The following CRLF2 variants were observed in gnomAD, a reference collection of about 807,000 sequenced individuals.
The protein encoded by CRLF2 is cytokine receptor like factor 2.
In CRLF2, 41 loss-of-function variants were observed where a neutral mutation model predicts 38.7. That is an observed-to-expected ratio of 1.06 (90% CI 0.83 to 1.37). CRLF2 has a LOEUF of 1.37. CRLF2 is among the 40% of genes most tolerant of loss of function. The pLI is 0.00. For synonymous variants in CRLF2, 140 were observed against 128.8 expected (o/e 1.09, Z -0.59); for missense variants, 377 against 322.2 (o/e 1.17, Z -1.30).
Position 1,198,736 on chromosome X carries a change from T to G in CRLF2, c.484-12A>C. ...TTTTCCTGTTTGGACTGGAGAAACATACACACACACACACACACACACACA... is the reference window on the plus strand; with the variant it reads ...TTTTCCTGTTTGGACTGGAGAAACAGACACACACACACACACACACACACA... On this transcript the variant is annotated splice_polypyrimidine_tract_variant and intron_variant, in intron 4 of 7. Coordinates refer to ENST00000400841, the MANE Select transcript of CRLF2 (RefSeq NM_022148.4). 7 of 826,960 alleles carry G rather than the reference T, an allele frequency of 8.5e-6. No individual in the cohort carries two copies. The highest frequency in any genetic ancestry group is 1.3e-5 in the Non-Finnish European group (7 of 534,254). 51.2% of individuals were successfully genotyped at this position (826,960 alleles called of 1,614,324 possible). A position where few individuals can be genotyped will look rare whatever the true frequency, so the allele number is the denominator to read the frequency against.
chrX:1,208,508 G>A (rs35313811), intron 2 of CRLF2, among the ~76,000 whole-genome samples: 48,402 of 151,820 alleles, frequency 0.32, 8,041 homozygotes, highest in Middle Eastern at 0.45. Context: ...GCAGTGAGCC[G>A]AGATTGCGCC....
chrX:1,196,003 T>C, intron 6 of CRLF2, among the ~76,000 whole-genome samples: 1 of 142,376 alleles, frequency 7.0e-6, no homozygotes, highest in Non-Finnish European at 1.5e-5. Context: ...TTTATATATA[T>C]AATTATATAT....
At chrX:1,191,304 T>TCTTTCTTTCTTTCTTC (rs2086370285) in intron 7 of CRLF2, 144 bp from the exon 8 acceptor site, 1 of 350,330 alleles carries the variant, frequency 2.9e-6, no homozygotes, top group African/African-American at 3.0e-5. Context: ...TCTCTTTCTT[T>TCTTTCTTTCTTTCTTC]CTTTCTTTCT....
rs140859855 is a variant in CRLF2 at position 1,212,602 on chromosome X, G to C, written c.33C>G (p.Ala11=). The change falls in exon 1 of 8, where the codon GCC becomes GCG. Residue 11 remains alanine, a synonymous_variant. Coordinates refer to ENST00000400841, the MANE Select transcript of CRLF2 (RefSeq NM_022148.4). ...CCATCCAGCCTCCCAGCAGAAAGAC[G>C]GCAGCTCCCCACAGCAGAACCAGCC... MGRLVLLWGA[A]VFLLGGWMAL... 398,931 of 1,609,900 alleles carry C rather than the reference G, an allele frequency of 0.25. 51,945 individuals carry two copies. The highest frequency in any genetic ancestry group is 0.3 in the Middle Eastern group (1,792 of 6,046).
chrX:1,192,328 A>G (rs1398402148), intron 7 of CRLF2, among the ~76,000 whole-genome samples: 4 of 151,840 alleles, frequency 2.6e-5, no homozygotes, highest in African/African-American at 9.7e-5. Flanking sequence ...TAAAATCAAC[A>G]CATAGGACAC....
At chrX:1,202,256 A>G in intron 4 of CRLF2, 146 bp downstream of exon 4, 1 of 906,340 alleles carries the variant, frequency 1.1e-6, no homozygotes, top group Non-Finnish European at 1.7e-6. Flanking sequence ...AAGCTGGACT[A>G]GAGCTCTCTC....
Position 1,206,574 on chromosome X carries a change from G to T in CRLF2, c.208C>A (p.Gln70Lys). Residue 70 changes from glutamine (Q) to lysine (K), a missense_variant, in exon 3 of 8, where the codon CAG becomes AAG. Coordinates refer to ENST00000400841, the MANE Select transcript of CRLF2 (RefSeq NM_022148.4). ...TCCTGGAGAAGGTAGTTGGTGCACT[G>T]GTCATAGGCCTCATCACCGTTGAAT... is the stretch of plus-strand genomic sequence containing the variant. ...YRFNGDEAYDQCTNYLLQEGH... is the reference protein window; with the variant it reads ...YRFNGDEAYDKCTNYLLQEGH... The T allele has an allele frequency of 6.2e-7, 1 of 1,613,592 alleles. No individual in the cohort carries two copies. The highest frequency in any genetic ancestry group is 8.5e-7 in the Non-Finnish European group (1 of 1,179,608).
chrX:1,202,410 C>G lies in CRLF2; in HGVS notation c.475G>C (p.Glu159Gln), dbSNP rs763471203. 4 of 1,613,596 alleles carry G rather than the reference C, an allele frequency of 2.5e-6. No homozygotes were observed. The highest frequency in any genetic ancestry group is 1.3e-5 in the African/African-American group (1 of 75,030). The part of the protein sequence containing the change: ...EVQYRSPFDT[E>Q]WQSKQENTCN... ...GCGGCCGCCCGGCTCACCTGCCACT[C>G]GGTGTCGAAGGGGCTCCGGTACTGA... Residue 159 changes from glutamate (E) to glutamine (Q), a missense_variant, in exon 4 of 8, where the codon GAG becomes CAG. Transcript: ENST00000400841.
At position 1,192,899 on chromosome X, in the gene CRLF2, T is replaced by C. The variant is rs1202620389; in HGVS notation, c.852+319A>G. Among the ~76,000 whole-genome samples, 68 of 150,780 alleles carry C rather than the reference T, an allele frequency of 4.5e-4. 2 individuals carry two copies. In the South Asian group the frequency reaches 8.2e-3, roughly 18 times the overall value. ...TACAATCTCAGCTCACTGCAACCTCTGCCTCCACAGTTCAAGCGATTCTCC... is the reference window on the plus strand; with the variant it reads ...TACAATCTCAGCTCACTGCAACCTCCGCCTCCACAGTTCAAGCGATTCTCC... On this transcript the variant is annotated intron_variant, in intron 7 of 7. Coordinates refer to ENST00000400841, the MANE Select transcript of CRLF2 (RefSeq NM_022148.4).
At chrX:1,193,330 G>C (rs1265311374) in intron 6 of CRLF2, 28 bp from the exon 7 acceptor site, 6 of 398,568 alleles carry the variant, frequency 1.5e-5, no homozygotes, top group African/African-American at 4.1e-5. Flanking sequence ...AGCGTGGTCA[G>C]GTCGGCCACA....
chrX:1,202,698 A>C (rs2086629668), intron 3 of CRLF2, among the ~76,000 whole-genome samples, 163 bp from the exon 4 acceptor site: 1 of 152,050 alleles, frequency 6.6e-6, no homozygotes, highest in South Asian at 2.1e-4. Context: ...AGCTTCCACC[A>C]GAGCTCCGAG....
At chrX:1,194,235 A>T (rs2086442016) in intron 6 of CRLF2, among the ~76,000 whole-genome samples, 2 of 152,014 alleles carry the variant, frequency 1.3e-5, no homozygotes, top group African/African-American at 4.8e-5. Context: ...GACTGCAGTG[A>T]TCCAAGATCA....
chrX:1,204,344 T>G lies in CRLF2; in HGVS notation c.350-1809A>C, dbSNP rs2086657337. On this transcript the variant is annotated intron_variant, in intron 3 of 7. Coordinates refer to ENST00000400841, the MANE Select transcript of CRLF2 (RefSeq NM_022148.4). ...CCCAGATTCAAGAGATTCTCCTGCC[T>G]CAGCGTCCCGAGTAGCTGGGATTAC... 5.3e-5 allele frequency among the ~76,000 whole-genome samples: 8 copies of G among 152,194 alleles called. No homozygotes were observed. The South Asian group carries it at 1.7e-3, about 32-fold the overall frequency.
At chrX:1,201,257 C>T (rs1404669493) in intron 4 of CRLF2, among the ~76,000 whole-genome samples, 1 of 148,396 alleles carries the variant, frequency 6.7e-6, no homozygotes, top group Non-Finnish European at 1.5e-5. Flanking sequence ...CGTTAGGCAG[C>T]ACATGACTGT....
intron 3 of CRLF2, among the ~76,000 whole-genome samples, chrX:1,204,828 T>C (rs2086664976): frequency 6.9e-6 from 1 of 145,186 alleles, no homozygotes; most frequent in African/African-American, 2.6e-5. Flanking sequence ...CCCTGGGCCT[T>C]ATTTATTTTT....
intron 3 of CRLF2, among the ~76,000 whole-genome samples, chrX:1,205,928 A>T (rs1484996628): frequency 6.6e-6 from 1 of 150,768 alleles, no homozygotes; most frequent in African/African-American, 2.4e-5. Context: ...TGGATCCGGT[A>T]ATTTGCATGA....
intron 2 of CRLF2, 96 bp from the exon 3 acceptor site, chrX:1,206,695 T>C: frequency 8.3e-7 from 1 of 1,209,878 alleles, no homozygotes; most frequent in Non-Finnish European, 1.2e-6. Context: ...CAGGTTGGAG[T>C]GCAATGGCGC....
intron 7 of CRLF2, among the ~76,000 whole-genome samples, chrX:1,192,721 TTTCTTTCTTTC>T (rs1173393823): frequency 1.5e-5 from 1 of 65,254 alleles, no homozygotes; most frequent in Non-Finnish European, 2.9e-5. Context: ...TCTTTCTTTC[TTTCTTTCTTTC>T]TTTCTTTCTT....
At chrX:1,202,621 ACCCCTCCT>A in intron 3 of CRLF2, 86 bp from the exon 4 acceptor site, 2 of 1,483,354 alleles carry the variant, frequency 1.3e-6, no homozygotes, top group Admixed American at 1.8e-5. Flanking sequence ...TCTAGCCTGT[ACCCCTCCT>A]CCCCTTAATA....
Sources: gnomAD v4.1 joint callset for allele counts (sites outside exome capture counted in the v4.1 genomes callset) on GRCh38, gnomAD v4.1.1 for gene constraint, MANE v1.5 for transcripts, NCBI Gene and HGNC (gene_info 2026-07-23, HGNC 2026-07-21) for gene names.